TGFA: variants seen among roughly 807,000 people sequenced by gnomAD.
The protein encoded by TGFA is transforming growth factor alpha, also known as protransforming growth factor alpha.
A neutral mutation model predicts 21.7 loss-of-function variants in TGFA; 12 were observed. The ratio of observed to expected loss-of-function variants is 0.55; its 90% CI spans 0.35 to 0.90. The LOEUF (loss-of-function observed/expected upper bound fraction) is 0.90, where lower values mean the gene tolerates loss of function less well. Among genes scored for constraint, TGFA ranks in the 40% least tolerant of loss-of-function variants. The pLI is 0.01. For missense variants in TGFA, 178 were observed against 210.8 expected (o/e 0.84, Z 0.96); for synonymous variants, 79 against 88.1 (o/e 0.90, Z 0.58).
At chr2:70,504,473 C>CATATATATATATATATAT (rs376988843) in intron 2 of TGFA, among the ~76,000 whole-genome samples, 36 of 78,796 alleles carry the variant, frequency 4.6e-4, no homozygotes, top group South Asian at 1.3e-3. Context: ...TACACACATA[C>CATATATATATATATATAT]ATACATACAT....
intron 2 of TGFA, among the ~76,000 whole-genome samples, chr2:70,482,420 A>G (rs58473153): frequency 0.062 from 9,373 of 152,278 alleles, 363 homozygotes; most frequent in Middle Eastern, 0.12. Context: ...CTAAAGCTCT[A>G]GGTTACAGGA....
chr2:70,481,957 C>T (rs1459156987), intron 2 of TGFA, among the ~76,000 whole-genome samples: 2 of 152,202 alleles, frequency 1.3e-5, no homozygotes, highest in Admixed American at 6.5e-5. Flanking sequence ...CTTCTGAATT[C>T]CTCTCAGACC....
At chr2:70,544,202 G>T (rs890853795) in intron 1 of TGFA, among the ~76,000 whole-genome samples, 1 of 151,860 alleles carries the variant, frequency 6.6e-6, no homozygotes, top group Admixed American at 6.6e-5. Flanking sequence ...AACATTACCC[G>T]TAAAGCCATG....
intron 4 of TGFA, among the ~76,000 whole-genome samples, chr2:70,454,822 G>C (rs1175439850): frequency 6.6e-6 from 1 of 152,204 alleles, no homozygotes; most frequent in Non-Finnish European, 1.5e-5. Flanking sequence ...GAGAGATGCT[G>C]TCTAGGCACC....
chr2:70,497,505 G>A (rs1207318955), intron 2 of TGFA, among the ~76,000 whole-genome samples: 1 of 152,152 alleles, frequency 6.6e-6, no homozygotes, highest in African/African-American at 2.4e-5. Flanking sequence ...TATATGGGAG[G>A]CACTGAAATA....
intron 2 of TGFA, among the ~76,000 whole-genome samples, chr2:70,507,612 G>C (rs1282004610): frequency 6.6e-6 from 1 of 152,158 alleles, no homozygotes; most frequent in Admixed American, 6.5e-5. Flanking sequence ...CTGTAAAACA[G>C]ATCCCTAAGT....
At chr2:70,466,375 C>T (rs368996513) in intron 2 of TGFA, among the ~76,000 whole-genome samples, 4 of 152,224 alleles carry the variant, frequency 2.6e-5, no homozygotes, top group South Asian at 2.1e-4. Flanking sequence ...GGCGAGGTGA[C>T]GGGCGACTGT....
chr2:70,504,815 G>GT (rs1671871079), intron 2 of TGFA, among the ~76,000 whole-genome samples: 1 of 152,182 alleles, frequency 6.6e-6, no homozygotes, highest in Non-Finnish European at 1.5e-5. Flanking sequence ...TGAGTGAGAT[G>GT]TATGTGTATC....
intron 2 of TGFA, among the ~76,000 whole-genome samples, chr2:70,474,969 C>CGTGTGTGTGTGTGT (rs57147767): frequency 5.4e-5 from 8 of 147,592 alleles, no homozygotes; most frequent in African/African-American, 1.3e-4. Context: ...ACACAGCAGC[C>CGTGTGTGTGTGTGT]GTGTGTGTGT....
At chr2:70,544,170 G>A (rs6546610) in intron 1 of TGFA, among the ~76,000 whole-genome samples, 63,689 of 151,762 alleles carry the variant, frequency 0.42, 14,071 homozygotes, top group East Asian at 0.6. Flanking sequence ...AGTCAGCTTC[G>A]TACTTAAGTG....
chr2:70,553,736 A>T lies in TGFA; in HGVS notation c.32T>A (p.Phe11Tyr). The T allele has an allele frequency of 7.5e-7, 1 of 1,331,660 alleles. No homozygotes were observed. The highest frequency in any genetic ancestry group is 9.6e-7 in the Non-Finnish European group (1 of 1,036,656). The allele number at this position is 1,331,660 out of a possible 1,614,324, so 82.5% of individuals were successfully genotyped here. MVPSAGQLAL[F>Y]ALGIVLAACQ... ...GCAGCCGGCGTACGTACCCAGAGCG[A>T]ACAGGGCGAGCTGTCCAGCCGAGGG... Residue 11 changes from phenylalanine (F) to tyrosine (Y), a missense_variant, in exon 1 of 6, where the codon TTC becomes TAC. Transcript: ENST00000295400.
chr2:70,465,829 C>G, intron 2 of TGFA, 93 bp from the exon 3 acceptor site: 1 of 1,552,350 alleles, frequency 6.4e-7, no homozygotes, highest in South Asian at 1.2e-5. Flanking sequence ...GGTGGAGCCC[C>G]TGATGGCTGG....
chr2:70,492,452 T>C (rs1245816156), intron 2 of TGFA, among the ~76,000 whole-genome samples: 3 of 152,156 alleles, frequency 2.0e-5, no homozygotes, highest in Non-Finnish European at 4.4e-5. Context: ...CATGCCCCAT[T>C]TCTCACCATC....
At chr2:70,550,631 T>C (rs1055599045) in intron 1 of TGFA, among the ~76,000 whole-genome samples, 1 of 152,014 alleles carries the variant, frequency 6.6e-6, no homozygotes, top group Admixed American at 6.5e-5. Context: ...CCATCCTGGC[T>C]AACACGGTGA....
intron 2 of TGFA, among the ~76,000 whole-genome samples, chr2:70,483,443 A>G (rs1012651933): frequency 6.6e-6 from 1 of 152,220 alleles, no homozygotes; most frequent in Non-Finnish European, 1.5e-5. Context: ...TTCTCAGTAC[A>G]TTGAAGTAAA....
intron 2 of TGFA, among the ~76,000 whole-genome samples, chr2:70,514,548 C>A (rs1214595895): frequency 6.6e-6 from 1 of 151,558 alleles, no homozygotes; most frequent in Non-Finnish European, 1.5e-5. Context: ...GTGGGGAAAA[C>A]AGCTGGCCCC....
intron 2 of TGFA, among the ~76,000 whole-genome samples, chr2:70,496,459 T>C (rs1282321830): frequency 2.0e-5 from 3 of 152,146 alleles, no homozygotes; most frequent in Non-Finnish European, 4.4e-5. Flanking sequence ...CATGCTATTA[T>C]ACCTATGAAG....
intron 1 of TGFA, among the ~76,000 whole-genome samples, chr2:70,541,821 T>C (rs1463041138): frequency 2.0e-5 from 3 of 152,176 alleles, no homozygotes; most frequent in Non-Finnish European, 4.4e-5. Context: ...CTTGCTTTCA[T>C]TCCAGTTCAG....
intron 1 of TGFA, among the ~76,000 whole-genome samples, chr2:70,515,819 C>T (rs1476513549): frequency 6.6e-6 from 1 of 152,150 alleles, no homozygotes; most frequent in Admixed American, 6.5e-5. Flanking sequence ...TATTAATAAG[C>T]AGGACCACGG....
Sources: allele counts gnomAD v4.1 joint callset (sites outside exome capture counted in the v4.1 genomes callset), GRCh38; gene constraint gnomAD v4.1.1; transcripts MANE v1.5; gene names NCBI Gene and HGNC (gene_info 2026-07-23, HGNC 2026-07-21).